Variants in ADGB observed in about 807,000 individuals in gnomAD.
ADGB encodes the protein androglobin.
A neutral mutation model predicts 210.5 loss-of-function variants in ADGB; 172 were observed. That is an observed-to-expected ratio of 0.82 (90% CI 0.72 to 0.93). The LOEUF (loss-of-function observed/expected upper bound fraction) is 0.93, where lower values mean the gene tolerates loss of function less well. ADGB is among the 40% of genes least tolerant of loss of function. The probability of loss-of-function intolerance (pLI) is 0.00; values close to 1 mark genes in which losing one functional copy is unlikely to be tolerated. For synonymous variants in ADGB, 658 were observed against 662.7 expected (o/e 0.99, Z 0.11); for missense variants, 2,025 against 1,964.8 (o/e 1.03, Z -0.58).
At chr6:146,762,044 C>T (rs1275029769) in intron 27 of ADGB, among the ~76,000 whole-genome samples, 1 of 152,194 alleles carries the variant, frequency 6.6e-6, no homozygotes, top group Non-Finnish European at 1.5e-5. Flanking sequence ...GGATTTAGGG[C>T]TCATCCTAAT....
intron 2 of ADGB, among the ~76,000 whole-genome samples, chr6:146,638,040 T>C (rs1775450049): frequency 6.6e-6 from 1 of 152,002 alleles, no homozygotes; most frequent in Admixed American, 6.6e-5. Flanking sequence ...TAATCCACCA[T>C]GATCAAGTAG....
chr6:146,720,113 T>G (rs911194499), intron 16 of ADGB, among the ~76,000 whole-genome samples: 1 of 152,154 alleles, frequency 6.6e-6, no homozygotes, highest in African/African-American at 2.4e-5. Flanking sequence ...ATAGTATAAT[T>G]CAATTAAGTT....
chr6:146,709,686 G>C (rs1776632321), intron 13 of ADGB, among the ~76,000 whole-genome samples: 1 of 152,148 alleles, frequency 6.6e-6, no homozygotes, highest in South Asian at 2.1e-4. Context: ...GCCTGGTAGG[G>C]ATCTACTTTA....
chr6:146,733,799 T>G, intron 21 of ADGB, 94 bp from the exon 22 acceptor site: 1 of 1,343,274 alleles, frequency 7.4e-7, no homozygotes, highest in East Asian at 2.5e-5. Flanking sequence ...TGTAGAATTT[T>G]ATATGTTGGA....
chr6:146,640,974 C>A (rs1254359123), intron 2 of ADGB, among the ~76,000 whole-genome samples: 1 of 151,948 alleles, frequency 6.6e-6, no homozygotes, highest in African/African-American at 2.4e-5. Context: ...AATCAAACAT[C>A]TCTGTTTGAA....
intron 26 of ADGB, among the ~76,000 whole-genome samples, chr6:146,751,392 T>C (rs1777318998): frequency 1.3e-5 from 2 of 152,130 alleles, no homozygotes; most frequent in African/African-American, 4.8e-5. Flanking sequence ...GATGTGTGTT[T>C]GGGTTAATTC....
intron 5 of ADGB, among the ~76,000 whole-genome samples, chr6:146,663,605 A>C (rs901942519): frequency 1.3e-5 from 2 of 152,066 alleles, no homozygotes; most frequent in Non-Finnish European, 2.9e-5. Flanking sequence ...ACATGCACGC[A>C]AACGTATTTT....
At chr6:146,757,051 T>G (rs1777417504) in intron 27 of ADGB, among the ~76,000 whole-genome samples, 1 of 152,158 alleles carries the variant, frequency 6.6e-6, no homozygotes, top group South Asian at 2.1e-4. Flanking sequence ...TGTAATGATT[T>G]ACCCATAATT....
intron 13 of ADGB, among the ~76,000 whole-genome samples, chr6:146,708,259 C>G (rs1007802098): frequency 1.3e-5 from 2 of 152,188 alleles, no homozygotes; most frequent in Non-Finnish European, 2.9e-5. Context: ...TTAAACATCA[C>G]CATTACAGTA....
intron 20 of ADGB, among the ~76,000 whole-genome samples, chr6:146,731,114 T>C (rs1412560805): frequency 2.0e-5 from 3 of 152,174 alleles, no homozygotes; most frequent in Non-Finnish European, 2.9e-5. Context: ...CTTTTTAATT[T>C]GTACTTCCCC....
chr6:146,600,761 T>G (rs1464004684), intron 1 of ADGB, among the ~76,000 whole-genome samples: 5 of 151,920 alleles, frequency 3.3e-5, no homozygotes, highest in Non-Finnish European at 7.4e-5. Flanking sequence ...AAGGCAGGGA[T>G]TTTCCTTTTC....
intron 20 of ADGB, among the ~76,000 whole-genome samples, chr6:146,730,304 AG>A (rs1191005734): frequency 2.6e-5 from 4 of 152,190 alleles, no homozygotes; most frequent in Admixed American, 6.6e-5. Flanking sequence ...TGTTGAATGA[AG>A]TTTAAGCCAG....
intron 19 of ADGB, among the ~76,000 whole-genome samples, chr6:146,726,505 G>A (rs1392270750): frequency 1.3e-5 from 2 of 152,162 alleles, no homozygotes; most frequent in African/African-American, 4.8e-5. Context: ...TCACAGGCAT[G>A]AGCCACCGCA....
intron 20 of ADGB, among the ~76,000 whole-genome samples, chr6:146,729,407 G>A (rs997631295): frequency 3.3e-5 from 5 of 152,090 alleles, no homozygotes; most frequent in Non-Finnish European, 5.9e-5. Flanking sequence ...CAGAAAAGCC[G>A]TCAGGTCATG....
chr6:146,804,518 T>C (rs1225750226), intron 35 of ADGB, among the ~76,000 whole-genome samples: 2 of 152,244 alleles, frequency 1.3e-5, no homozygotes, highest in South Asian at 2.1e-4. Flanking sequence ...TCAATACCAA[T>C]TGCATTCTTT....
intron 27 of ADGB, among the ~76,000 whole-genome samples, chr6:146,754,220 A>G (rs947008678): frequency 2.0e-5 from 3 of 151,200 alleles, no homozygotes; most frequent in Non-Finnish European, 4.4e-5. Context: ...TATCTTCTCA[A>G]TGGGTTTGTA....
chr6:146,676,279 T>C (rs1001345935), intron 8 of ADGB, 34 bp from the exon 9 acceptor site: 2 of 1,512,184 alleles, frequency 1.3e-6, no homozygotes, highest in African/African-American at 2.8e-5. Context: ...GATTGTCTAG[T>C]TAAAATATTT....
At chr6:146,733,018 A>G in intron 20 of ADGB, 102 bp from the exon 21 acceptor site, 2 of 968,290 alleles carry the variant, frequency 2.1e-6, no homozygotes, top group Non-Finnish European at 2.9e-6. Flanking sequence ...CATCTGAGAA[A>G]TGGTTTTTAT....
At chr6:146,771,516 T>C (rs1183113985) in intron 29 of ADGB, among the ~76,000 whole-genome samples, 1 of 152,182 alleles carries the variant, frequency 6.6e-6, no homozygotes, top group African/African-American at 2.4e-5. Flanking sequence ...ACTTCCCCTG[T>C]GGTTCAAAGC....
Sources: allele counts gnomAD v4.1 joint callset (sites outside exome capture counted in the v4.1 genomes callset), GRCh38; gene constraint gnomAD v4.1.1; transcripts MANE v1.5; gene names NCBI Gene and HGNC (gene_info 2026-07-23, HGNC 2026-07-21).